The following GRM7 variants were observed in gnomAD, a reference collection of about 807,000 sequenced individuals.
GRM7 encodes the protein metabotropic glutamate receptor 7.
GRM7 carries 35 observed loss-of-function variants against 84.5 expected under a neutral mutation model. The ratio of observed to expected loss-of-function variants is 0.41; its 90% CI spans 0.32 to 0.55. The LOEUF (loss-of-function observed/expected upper bound fraction) is 0.55, where lower values mean the gene tolerates loss of function less well. GRM7 is among the 20% of genes least tolerant of loss of function. The pLI is 0.19. For missense variants in GRM7, 1,003 were observed against 1,194.6 expected, an observed-to-expected ratio of 0.84 and a Z score of 2.36; for synonymous variants, 487 against 455.1, an observed-to-expected ratio of 1.07 and a Z score of -0.89.
chr3:7,127,378 C>T (rs1693436807), intron 1 of GRM7, among the ~76,000 whole-genome samples: 2 of 152,158 alleles, frequency 1.3e-5, no homozygotes, highest in Admixed American at 1.3e-4. Flanking sequence ...GATTCCCCAC[C>T]ACTACAAAGA....
Position 7,740,655 on chromosome 3 carries a change from A to C in GRM7, c.*249A>C, listed in dbSNP as rs1337564742. ...CTGCAATTGTGGACCTTCCCTACCAAAGGGAGTGTTGAAACTCAAGTCCCG... is the reference window on the plus strand; with the variant it reads ...CTGCAATTGTGGACCTTCCCTACCACAGGGAGTGTTGAAACTCAAGTCCCG... On this transcript the variant is annotated 3_prime_UTR_variant, in exon 10 of 10. Coordinates refer to ENST00000357716, the MANE Select transcript of GRM7 (RefSeq NM_000844.4). 8 of 358,176 alleles carry C rather than the reference A, an allele frequency of 2.2e-5. No homozygotes were observed. The East Asian group carries it at 2.8e-4, about 12-fold the overall frequency. The allele number at this position is 358,176 out of a possible 1,614,324, so 22.2% of individuals were successfully genotyped here.
At chr3:7,144,258 A>C (rs1694039460) in intron 1 of GRM7, among the ~76,000 whole-genome samples, 1 of 152,156 alleles carries the variant, frequency 6.6e-6, no homozygotes, top group Non-Finnish European at 1.5e-5. Context: ...ATATTCTTCC[A>C]AGCCTCAATT....
chr3:7,557,993 A>G (rs1301728968), intron 7 of GRM7, among the ~76,000 whole-genome samples: 1 of 152,154 alleles, frequency 6.6e-6, no homozygotes. Context: ...TGACATTAAA[A>G]TTAACATAAG....
At chr3:6,906,571 G>A (rs1696585694) in intron 1 of GRM7, among the ~76,000 whole-genome samples, 1 of 152,080 alleles carries the variant, frequency 6.6e-6, no homozygotes, top group Non-Finnish European at 1.5e-5. Context: ...TAATTGAAGG[G>A]AATAGAAATG....
At chr3:7,195,773 A>T (rs144666094) in intron 2 of GRM7, among the ~76,000 whole-genome samples, 1 of 152,128 alleles carries the variant, frequency 6.6e-6, no homozygotes, top group Non-Finnish European at 1.5e-5. Flanking sequence ...CCATACTGAG[A>T]TACAAAGGTT....
chr3:7,196,453 C>T (rs1056857336), intron 2 of GRM7, among the ~76,000 whole-genome samples: 3 of 152,138 alleles, frequency 2.0e-5, no homozygotes, highest in Non-Finnish European at 2.9e-5. Flanking sequence ...TGGCCCCTGC[C>T]TAACTCTCAG....
At chr3:6,906,490 T>G (rs1308078028) in intron 1 of GRM7, among the ~76,000 whole-genome samples, 1 of 152,172 alleles carries the variant, frequency 6.6e-6, no homozygotes, top group Non-Finnish European at 1.5e-5. Context: ...ACTTAAAAAT[T>G]TTATTCTTAT....
intron 3 of GRM7, among the ~76,000 whole-genome samples, chr3:7,303,123 G>T (rs541130120): frequency 6.6e-6 from 1 of 151,986 alleles, no homozygotes; most frequent in Admixed American, 6.5e-5. Context: ...TGTATTTTTA[G>T]TAGAGACGGG....
At chr3:7,163,178 G>A (rs1270054152) in intron 2 of GRM7, among the ~76,000 whole-genome samples, 1 of 152,114 alleles carries the variant, frequency 6.6e-6, no homozygotes, top group Non-Finnish European at 1.5e-5. Context: ...ACTCAGGCCT[G>A]TCTCACACAG....
chr3:7,150,367 T>G (rs1393960200), intron 2 of GRM7, among the ~76,000 whole-genome samples: 1 of 152,134 alleles, frequency 6.6e-6, no homozygotes, highest in African/African-American at 2.4e-5. Context: ...TAAGCGCCTC[T>G]TCATTATTTA....
intron 1 of GRM7, among the ~76,000 whole-genome samples, chr3:7,034,633 TTATGATTTTTTTCTCAGCTTTGGCAAG>T (rs1332524588): frequency 6.6e-6 from 1 of 152,192 alleles, no homozygotes; most frequent in African/African-American, 2.4e-5. Flanking sequence ...CTATCAAAAA[TTATGATTTTTTTCTCAGCTTTGGCAAG>T]TATAGACTCA....
intron 2 of GRM7, among the ~76,000 whole-genome samples, chr3:7,280,633 A>G (rs1305135681): frequency 6.6e-6 from 1 of 152,246 alleles, no homozygotes; most frequent in Non-Finnish European, 1.5e-5. Context: ...TACAAAGCCC[A>G]GTAGCGCTGG....
intron 8 of GRM7, among the ~76,000 whole-genome samples, chr3:7,639,170 A>G (rs1465744598): frequency 1.3e-5 from 2 of 152,162 alleles, no homozygotes; most frequent in East Asian, 1.9e-4. Flanking sequence ...TTTCTCCACT[A>G]TCATTCAATA....
chr3:7,099,925 T>TAA lies in GRM7; in HGVS notation c.520-46526_520-46525insAA, dbSNP rs1553616856. On this transcript the variant is annotated intron_variant, in intron 1 of 9. Coordinates refer to ENST00000357716, the MANE Select transcript of GRM7 (RefSeq NM_000844.4). ...TTATACATATATAATATTAATATAT[T>TAA]ATATATATTATGATATACATTATGT... 7.1e-4 allele frequency among the ~76,000 whole-genome samples: 24 copies of TAA among 33,732 alleles called. 6 individuals are homozygous for TAA. Among genetic ancestry groups the TAA allele is most frequent in the African/African-American group, 1.5e-3 (2 of 1,360 alleles). The allele number at this position is 33,732 out of a possible 152,430, so 22.1% of individuals were successfully genotyped here.
intron 4 of GRM7, among the ~76,000 whole-genome samples, chr3:7,378,336 A>G (rs773396764): frequency 8.5e-5 from 13 of 152,232 alleles, no homozygotes; most frequent in Admixed American, 2.0e-4. Context: ...TGATGTTTTA[A>G]GATATTTTGT....
chr3:7,130,652 G>A (rs1228488617), intron 1 of GRM7, among the ~76,000 whole-genome samples: 1 of 151,920 alleles, frequency 6.6e-6, no homozygotes, highest in Non-Finnish European at 1.5e-5. Context: ...ACAGCTAGTG[G>A]TGTTGGCACT....
intron 7 of GRM7, among the ~76,000 whole-genome samples, chr3:7,521,859 A>G (rs750083104): frequency 2.6e-5 from 4 of 152,144 alleles, no homozygotes; most frequent in Non-Finnish European, 5.9e-5. Flanking sequence ...TCTGCATGCA[A>G]AATCATTTAT....
Position 7,387,615 on chromosome 3 carries a change from C to T in GRM7, c.1034-27408C>T, listed in dbSNP as rs538784052. ...TAGTTGTAGGTGTGCAGCTTTATTT[C>T]GGGGGTCTGTATTCTGTTCCATTGG... On this transcript the variant is annotated intron_variant, in intron 4 of 9. Transcript: ENST00000357716. Among the ~76,000 whole-genome samples the T allele has an allele frequency of 3.3e-5, 5 of 152,062 alleles. No homozygotes were observed. In the South Asian group the frequency reaches 6.2e-4, roughly 19 times the overall value.
At chr3:7,412,833 A>G (rs1449629366) in intron 4 of GRM7, among the ~76,000 whole-genome samples, 1 of 151,456 alleles carries the variant, frequency 6.6e-6, no homozygotes, top group Non-Finnish European at 1.5e-5. Flanking sequence ...CATGACTCTG[A>G]TTCTGTTTCC....
Sources: allele counts gnomAD v4.1 joint callset (sites outside exome capture counted in the v4.1 genomes callset), GRCh38; gene constraint gnomAD v4.1.1; transcripts MANE v1.5; gene names NCBI Gene and HGNC (gene_info 2026-07-23, HGNC 2026-07-21).